Variants in NTRK2 observed in about 807,000 individuals in gnomAD.
NTRK2 encodes the protein neurotrophic receptor tyrosine kinase 2, also known as BDNF/NT-3 growth factors receptor.
Under a neutral mutation model 94.5 loss-of-function variants are expected in NTRK2, and 13 were observed. The ratio of observed to expected loss-of-function variants is 0.14; its 90% confidence interval spans 0.09 to 0.22. The LOEUF (loss-of-function observed/expected upper bound fraction) is 0.22, where lower values mean the gene tolerates loss of function less well. Ranked by LOEUF, NTRK2 falls within the 10% of genes least tolerant of loss-of-function variation. The pLI is 1.00. For missense variants in NTRK2, 639 were observed against 1,071.2 expected, an observed-to-expected ratio of 0.60 and a Z score of 5.63; for synonymous variants, 372 against 407.4, an observed-to-expected ratio of 0.91 and a Z score of 1.05.
intron 2 of NTRK2, among the ~76,000 whole-genome samples, chr9:84,692,902 T>C (rs1219608732): frequency 6.6e-6 from 1 of 152,196 alleles, no homozygotes; most frequent in Non-Finnish European, 1.5e-5. Context: ...AAGTCTCTTA[T>C]GAGCAAGAAT....
chr9:84,720,934 T>C (rs564435967), intron 6 of NTRK2, among the ~76,000 whole-genome samples: 3 of 151,898 alleles, frequency 2.0e-5, no homozygotes, highest in Non-Finnish European at 4.4e-5. Flanking sequence ...AGTTGGAAAA[T>C]AGGAAAGGAT....
At chr9:84,671,087 C>T (rs900123673) in intron 2 of NTRK2, 127 bp downstream of exon 2, 8 of 861,038 alleles carry the variant, frequency 9.3e-6, no homozygotes, top group Non-Finnish European at 1.5e-5. Flanking sequence ...GGATGCAGGA[C>T]AGGGTCATCT....
chr9:84,991,052 G>A (rs1490106241), intron 17 of NTRK2, among the ~76,000 whole-genome samples: 1 of 152,174 alleles, frequency 6.6e-6, no homozygotes, highest in Non-Finnish European at 1.5e-5. Flanking sequence ...CAAGCAACTT[G>A]GCCAGCAAGC....
intron 12 of NTRK2, chr9:84,814,620 C>T: frequency 9.4e-7 from 1 of 1,065,854 alleles, no homozygotes; most frequent in Non-Finnish European, 1.1e-6. Flanking sequence ...ATTTACACCT[C>T]CGCCTGTTTT....
intron 12 of NTRK2, among the ~76,000 whole-genome samples, chr9:84,774,689 C>T (rs2066865845): frequency 6.6e-6 from 1 of 152,222 alleles, no homozygotes; most frequent in Non-Finnish European, 1.5e-5. Context: ...TGGAGAAACA[C>T]ATTCTGCGTC....
rs1437483265 is a variant in NTRK2 at position 84,723,594 on chromosome 9, C to A, written c.605C>A (p.Ala202Asp). Reference sequence around the variant, plus strand: ...ATAGGTTTGCCATCTGCAAATCTGGCCGCACCTAACCTCACTGTGGAGGAA... The same window carrying A: ...ATAGGTTTGCCATCTGCAAATCTGGACGCACCTAACCTCACTGTGGAGGAA... Reference protein sequence around the residue: ...PNCGLPSANLAAPNLTVEEGK... With the variant: ...PNCGLPSANLDAPNLTVEEGK... The change falls in exon 7 of 19, where the codon GCC becomes GAC. Residue 202 changes from alanine to aspartate, a missense_variant. Transcript: ENST00000277120. 2 of 1,614,084 alleles carry A rather than the reference C, an allele frequency of 1.2e-6. No homozygotes were observed. The highest frequency in any genetic ancestry group is 1.7e-6 in the Non-Finnish European group (2 of 1,179,952).
chr9:84,728,184 T>C (rs572785499), intron 9 of NTRK2, among the ~76,000 whole-genome samples: 3 of 152,180 alleles, frequency 2.0e-5, no homozygotes, highest in African/African-American at 2.4e-5. Flanking sequence ...GTGCCTGTTA[T>C]GATAAGTGTG....
intron 15 of NTRK2, among the ~76,000 whole-genome samples, chr9:84,939,051 C>CAAAAAAA (rs138558531): frequency 2.9e-3 from 195 of 67,896 alleles, no homozygotes; most frequent in African/African-American, 7.2e-3. Flanking sequence ...GACCCCAACT[C>CAAAAAAA]AAAAAAAAAA....
chr9:85,020,255 T>C lies in NTRK2; in HGVS notation c.2222T>C (p.Ile741Thr), dbSNP rs2117934059. The stretch of plus-strand genomic sequence containing the variant: ...ATTCGCTGGATGCCTCCAGAGAGCA[T>C]CATGTACAGGAAATTCACGACGGAA... ...LPIRWMPPESIMYRKFTTESD... is the reference protein window; with the variant it reads ...LPIRWMPPESTMYRKFTTESD... The change falls in exon 18 of 19, where the codon ATC (isoleucine) becomes ACC (threonine). Residue 741 changes from isoleucine (I) to threonine (T), a missense_variant. Around this residue, in one of 5 missense-constraint regions of NTRK2, gnomAD observed 77 missense variants for 203.6 expected, o/e 0.38. Transcript: ENST00000277120. The C allele has an allele frequency of 6.2e-7, 1 of 1,614,014 alleles. No individual in the cohort carries two copies. The highest frequency in any genetic ancestry group is 8.5e-7 in the Non-Finnish European group (1 of 1,180,010).
chr9:84,869,966 G>C (rs2075766214), intron 14 of NTRK2, among the ~76,000 whole-genome samples: 1 of 151,310 alleles, frequency 6.6e-6, no homozygotes, highest in Admixed American at 6.6e-5. Context: ...TCTTTTCTTT[G>C]AACATTCTAA....
At chr9:84,844,536 T>G (rs1185430510) in intron 12 of NTRK2, among the ~76,000 whole-genome samples, 2 of 152,030 alleles carry the variant, frequency 1.3e-5, no homozygotes, top group Non-Finnish European at 2.9e-5. Context: ...TGCCCTTCTG[T>G]TATAAACAGC....
chr9:84,696,942 G>A (rs1334850478), intron 2 of NTRK2, among the ~76,000 whole-genome samples: 3 of 152,142 alleles, frequency 2.0e-5, no homozygotes, highest in Non-Finnish European at 4.4e-5. Context: ...CATAATATGA[G>A]GTCCTAGCAA....
intron 12 of NTRK2, among the ~76,000 whole-genome samples, chr9:84,833,114 T>TGGTG (rs2073667116): frequency 6.3e-5 from 1 of 15,752 alleles, no homozygotes; most frequent in African/African-American, 2.9e-4. Flanking sequence ...GTGGTGGTGG[T>TGGTG]GGTGGGTGGG....
intron 2 of NTRK2, among the ~76,000 whole-genome samples, chr9:84,674,814 A>G (rs60215201): frequency 0.074 from 11,214 of 152,196 alleles, 1,369 homozygotes; most frequent in African/African-American, 0.25. Flanking sequence ...TGCAATATGG[A>G]CACTTTTGTT....
chr9:84,870,097 CTATATATATATATA>C (rs67434914), intron 14 of NTRK2, among the ~76,000 whole-genome samples: 20 of 99,688 alleles, frequency 2.0e-4, no homozygotes, highest in African/African-American at 6.6e-4. Flanking sequence ...TTCCCATTGA[CTATATATATATATA>C]TATATATATA....
At chr9:85,020,511 A>G (rs892337889) in intron 18 of NTRK2, 147 bp downstream of exon 18, 107 of 801,486 alleles carry the variant, frequency 1.3e-4, no homozygotes, top group Non-Finnish European at 2.0e-4. Context: ...GTAGCCTGCT[A>G]TGTTTCTAAA....
At chr9:84,817,081 C>T (rs2072472744) in intron 12 of NTRK2, among the ~76,000 whole-genome samples, 1 of 152,148 alleles carries the variant, frequency 6.6e-6, no homozygotes, top group Non-Finnish European at 1.5e-5. Context: ...TCACTGGGCT[C>T]TTATAAGAGT....
chr9:84,976,082 C>G (rs1366962490), intron 17 of NTRK2, among the ~76,000 whole-genome samples: 2 of 152,180 alleles, frequency 1.3e-5, no homozygotes, highest in Non-Finnish European at 2.9e-5. Flanking sequence ...CAGTGGGAAG[C>G]CAGGGGTCAA....
At chr9:84,905,858 G>A (rs887507082) in intron 14 of NTRK2, among the ~76,000 whole-genome samples, 2 of 152,184 alleles carry the variant, frequency 1.3e-5, no homozygotes, top group Admixed American at 1.3e-4. Context: ...GAAACCAATA[G>A]CATTTGGCTG....
Sources: allele counts gnomAD v4.1 joint callset (sites outside exome capture counted in the v4.1 genomes callset), GRCh38; gene constraint gnomAD v4.1.1; regional missense constraint gnomAD v4.1.1; transcripts MANE v1.5; gene names NCBI Gene and HGNC (gene_info 2026-07-23, HGNC 2026-07-21).